The following CLYBL variants were observed in gnomAD, a reference collection of about 807,000 sequenced individuals.
CLYBL encodes citramalyl-CoA lyase.
A neutral mutation model predicts 38.9 loss-of-function variants in CLYBL; 31 were observed. The ratio of observed to expected loss-of-function variants is 0.80; its 90% CI spans 0.60 to 1.08. The LOEUF (loss-of-function observed/expected upper bound fraction) is 1.08, where lower values mean the gene tolerates loss of function less well. Among genes scored for constraint, CLYBL ranks in the 50% least tolerant of loss-of-function variants. CLYBL has a pLI of 0.00. For missense variants in CLYBL, 434 were observed against 411.6 expected (o/e 1.05, Z -0.47); for synonymous variants, 171 against 158.6 (o/e 1.08, Z -0.59).
intron 1 of CLYBL, among the ~76,000 whole-genome samples, chr13:99,697,233 G>A (rs1166237591): frequency 6.6e-6 from 1 of 152,126 alleles, no homozygotes; most frequent in Non-Finnish European, 1.5e-5. Flanking sequence ...ATTGTAAAGG[G>A]GTGTGCAGAC....
At chr13:99,847,955 T>TCTGC (rs1004503325) in intron 2 of CLYBL, among the ~76,000 whole-genome samples, 26 of 152,246 alleles carry the variant, frequency 1.7e-4, no homozygotes, top group African/African-American at 6.3e-4. Flanking sequence ...CTCTCCATTG[T>TCTGC]CTGCCTGTCT....
At chr13:99,756,254 A>G (rs1056423263) in intron 1 of CLYBL, among the ~76,000 whole-genome samples, 2 of 152,188 alleles carry the variant, frequency 1.3e-5, no homozygotes, top group African/African-American at 2.4e-5. Context: ...ATTGATACCT[A>G]TCTCCCCTGC....
intron 2 of CLYBL, among the ~76,000 whole-genome samples, chr13:99,799,870 G>A (rs1414872916): frequency 1.3e-5 from 2 of 152,244 alleles, no homozygotes; most frequent in Non-Finnish European, 2.9e-5. Context: ...TGCTTATGTG[G>A]GAGAACAGGT....
intron 2 of CLYBL, among the ~76,000 whole-genome samples, chr13:99,813,903 G>C (rs148664577): frequency 6.6e-6 from 1 of 152,226 alleles, no homozygotes; most frequent in Non-Finnish European, 1.5e-5. Context: ...GGCCATCCCC[G>C]TGGACCAAAG....
intron 1 of CLYBL, among the ~76,000 whole-genome samples, chr13:99,747,710 A>G (rs1447811641): frequency 2.0e-5 from 3 of 152,192 alleles, no homozygotes; most frequent in Non-Finnish European, 2.9e-5. Context: ...TGGCCTCACA[A>G]GGCAGATTCA....
At chr13:99,791,624 A>G (rs1336032178) in intron 2 of CLYBL, among the ~76,000 whole-genome samples, 2 of 152,166 alleles carry the variant, frequency 1.3e-5, no homozygotes, top group East Asian at 3.9e-4. Context: ...AAGAGTAAGG[A>G]TGGTAAGAGT....
chr13:99,793,596 C>CA (rs779722964), intron 2 of CLYBL, among the ~76,000 whole-genome samples: 3 of 151,992 alleles, frequency 2.0e-5, no homozygotes, highest in Admixed American at 6.6e-5. Flanking sequence ...TAAAAAACAA[C>CA]AAAAAATTTT....
chr13:99,668,072 G>A (rs933730928), intron 1 of CLYBL, among the ~76,000 whole-genome samples: 1 of 152,092 alleles, frequency 6.6e-6, no homozygotes, highest in South Asian at 2.1e-4. Flanking sequence ...TCAGAAGTTC[G>A]AGAACAGCCT....
At chr13:99,728,371 T>C (rs1476068551) in intron 1 of CLYBL, among the ~76,000 whole-genome samples, 2 of 150,412 alleles carry the variant, frequency 1.3e-5, no homozygotes, top group East Asian at 2.0e-4. Flanking sequence ...CTCCGTCTCC[T>C]GGGTTCAAGC....
At chr13:99,817,666 AAAAAAAAG>A (rs2050484351) in intron 2 of CLYBL, among the ~76,000 whole-genome samples, 1 of 149,938 alleles carries the variant, frequency 6.7e-6, no homozygotes, top group African/African-American at 2.5e-5. Flanking sequence ...AAAAAAAAAA[AAAAAAAAG>A]AAAAGAAAAA....
At chr13:99,698,448 C>G (rs1033279929) in intron 1 of CLYBL, among the ~76,000 whole-genome samples, 3 of 152,034 alleles carry the variant, frequency 2.0e-5, no homozygotes, top group Non-Finnish European at 4.4e-5. Context: ...TACGTTCAAG[C>G]TATAAGTAGT....
chr13:99,614,327 G>A (rs2046674390), intron 1 of CLYBL, among the ~76,000 whole-genome samples: 1 of 152,094 alleles, frequency 6.6e-6, no homozygotes, highest in Non-Finnish European at 1.5e-5. Context: ...CTTAGAGTGG[G>A]GCTGAAGAGA....
intron 1 of CLYBL, among the ~76,000 whole-genome samples, chr13:99,622,687 G>A (rs544382889): frequency 1.3e-4 from 20 of 152,236 alleles, no homozygotes; most frequent in South Asian, 1.0e-3. Flanking sequence ...TCCATTGAGC[G>A]GCCATTCCCC....
chr13:99,864,835 C>T lies in CLYBL; in HGVS notation c.558C>T (p.Thr186=). 1 of 1,613,728 alleles carries T rather than the reference C, an allele frequency of 6.2e-7. No homozygotes were observed. ...LLNFKAVCEE[T]LKVGPQVGLF... ...TTTTACAGGCAGTGTGTGAAGAAAC[C>T]CTGAAGGTCGGGCCTCAAGTAGGTC... The change falls in exon 5 of 9, where the codon ACC becomes ACT. Residue 186 remains threonine, a synonymous_variant. Transcript: ENST00000339105.
intron 3 of CLYBL, among the ~76,000 whole-genome samples, chr13:99,860,455 G>A (rs2139205337): frequency 6.6e-6 from 1 of 152,280 alleles, no homozygotes; most frequent in Non-Finnish European, 1.5e-5. Context: ...CTTCTCTCCA[G>A]GGTTACCCTC....
At position 99,871,044 on chromosome 13, in the gene CLYBL, A is replaced by T. The variant is rs780681128; in HGVS notation, c.909A>T (p.Glu303Asp). Reference protein sequence around the residue: ...WAEELIAAFKEHQQLGKGAFT... With the variant: ...WAEELIAAFKDHQQLGKGAFT... ...AAGAACTGATTGCTGCCTTTAAAGA[A>T]CATCAACAATTAGGAAAGGTAAATG... is the stretch of plus-strand genomic sequence containing the variant. The change falls in exon 7 of 9, where the codon GAA becomes GAT. Residue 303 changes from glutamate (E) to aspartate (D), a missense_variant. Glu to Asp is a conservative substitution (Grantham distance 45). Transcript: ENST00000339105. 7 of 1,614,086 alleles carry T rather than the reference A, an allele frequency of 4.3e-6. No individual in the cohort carries two copies. In the South Asian group the frequency reaches 7.7e-5, roughly 18 times the overall value.
intron 2 of CLYBL, among the ~76,000 whole-genome samples, chr13:99,855,923 C>T (rs1296639565): frequency 2.6e-5 from 4 of 152,124 alleles, no homozygotes; most frequent in Non-Finnish European, 4.4e-5. Context: ...ATAAGGGTGT[C>T]GTATGGCAAC....
Position 99,829,716 on chromosome 13 carries a change from C to G in CLYBL, c.250-29145C>G, listed in dbSNP as rs74113519. On this transcript the variant is annotated intron_variant, in intron 2 of 8. Transcript: ENST00000339105. Reference sequence around the variant, plus strand: ...TAGCTCCAGTTACGTCACCTTTCCTCTAAGGGTACAGTGAAGGATCAGGAG... The same window carrying G: ...TAGCTCCAGTTACGTCACCTTTCCTGTAAGGGTACAGTGAAGGATCAGGAG... Among the ~76,000 whole-genome samples, 332 of 152,298 alleles carry G rather than the reference C, an allele frequency of 2.2e-3. 2 individuals carry two copies. The highest frequency in any genetic ancestry group is 7.4e-3 in the African/African-American group (307 of 41,550).
Position 99,800,234 on chromosome 13 carries a change from G to A in CLYBL, c.249+27224G>A, listed in dbSNP as rs141882626. 6.6e-5 allele frequency among the ~76,000 whole-genome samples: 10 copies of A among 152,314 alleles called. No homozygotes were observed. The East Asian group carries it at 1.9e-3, about 29-fold the overall frequency. Reference sequence around the variant, plus strand: ...CCAGTCAGTGCACTGCATTCCACTGGCCACCATGATTGGTTCAGGCCAGAC... The same window carrying A: ...CCAGTCAGTGCACTGCATTCCACTGACCACCATGATTGGTTCAGGCCAGAC... On this transcript the variant is annotated intron_variant, in intron 2 of 8. Transcript: ENST00000339105.
Sources: allele counts gnomAD v4.1 joint callset (sites outside exome capture counted in the v4.1 genomes callset), GRCh38; gene constraint gnomAD v4.1.1; transcripts MANE v1.5; gene names NCBI Gene and HGNC (gene_info 2026-07-23, HGNC 2026-07-21).